The following ANO6 variants were observed in gnomAD, a reference collection of about 807,000 sequenced individuals.
ANO6 encodes the protein anoctamin-6.
A neutral mutation model predicts 117.5 loss-of-function variants in ANO6; 106 were observed. The observed-to-expected ratio is 0.90, with a 90% confidence interval of 0.77 to 1.06. ANO6 has a LOEUF of 1.06. Ranked by LOEUF, ANO6 falls within the 50% of genes least tolerant of loss-of-function variation. The probability of loss-of-function intolerance (pLI) is 0.00; values close to 1 mark genes in which losing one functional copy is unlikely to be tolerated. For synonymous variants in ANO6, 367 were observed against 385.1 expected (o/e 0.95, Z 0.55); for missense variants, 955 against 1,121.1 (o/e 0.85, Z 2.12).
Position 45,388,270 on chromosome 12 carries a change from A to G in ANO6, c.1275A>G (p.Arg425=). Residue 425 remains arginine, a synonymous_variant, in exon 11 of 20, where the codon CGA becomes CGG. Transcript: ENST00000320560. ...AAGCCCGACCAGAATACGAAGCACGATGTACTCACGTAGTGATAAATGAGA... is the reference window on the plus strand; with the variant it reads ...AAGCCCGACCAGAATACGAAGCACGGTGTACTCACGTAGTGATAAATGAGA... ...EEQARPEYEA[R]CTHVVINEIT... is the part of the protein sequence containing the mutation. The G allele has an allele frequency of 6.2e-7, 1 of 1,614,120 alleles. No homozygotes were observed. The highest frequency in any genetic ancestry group is 1.3e-5 in the African/African-American group (1 of 75,052).
intron 8 of ANO6, among the ~76,000 whole-genome samples, chr12:45,365,287 GCA>G (rs1214025701): frequency 6.6e-6 from 1 of 151,818 alleles, no homozygotes; most frequent in Admixed American, 6.6e-5. Context: ...TTGGCCATGT[GCA>G]CTGTCCTACA....
At chr12:45,315,826 C>T (rs1430593956) in intron 2 of ANO6, among the ~76,000 whole-genome samples, 2 of 152,032 alleles carry the variant, frequency 1.3e-5, no homozygotes, top group African/African-American at 4.8e-5. Context: ...CTTTGACACC[C>T]TGTTGATAAC....
chr12:45,353,004 A>G (rs1404541590), intron 7 of ANO6, among the ~76,000 whole-genome samples: 4 of 152,182 alleles, frequency 2.6e-5, no homozygotes, highest in African/African-American at 9.7e-5. Context: ...TGTATTTGCT[A>G]TAACTAAGTA....
At chr12:45,302,193 T>C (rs1939516780) in intron 2 of ANO6, 100 bp downstream of exon 2, 2 of 1,025,500 alleles carry the variant, frequency 2.0e-6, no homozygotes, top group East Asian at 4.9e-5. Context: ...CTTCAATGGC[T>C]GTAGATCCTA....
intron 3 of ANO6, among the ~76,000 whole-genome samples, chr12:45,336,306 A>G: frequency 6.6e-6 from 1 of 152,052 alleles, no homozygotes; most frequent in East Asian, 1.9e-4. Flanking sequence ...GCCTAATAAG[A>G]TAGTATTATA....
At chr12:45,409,307 C>A (rs371068984) in intron 15 of ANO6, 50 bp from the exon 16 acceptor site, 2 of 1,607,578 alleles carry the variant, frequency 1.2e-6, no homozygotes, top group African/African-American at 2.7e-5. Flanking sequence ...ATTTTTATGA[C>A]CTTGGCCTGA....
intron 12 of ANO6, among the ~76,000 whole-genome samples, 188 bp downstream of exon 12, chr12:45,390,686 C>T (rs1045708871): frequency 6.6e-6 from 1 of 152,146 alleles, no homozygotes; most frequent in Non-Finnish European, 1.5e-5. Flanking sequence ...TCCCAAGGTT[C>T]GAGATACCTT....
intron 12 of ANO6, among the ~76,000 whole-genome samples, chr12:45,395,484 C>G (rs1384751606): frequency 1.3e-5 from 2 of 152,112 alleles, no homozygotes; most frequent in Non-Finnish European, 2.9e-5. Context: ...CTCCCTAACT[C>G]ATTTTATGAG....
At chr12:45,275,173 C>A (rs74439481) in intron 1 of ANO6, among the ~76,000 whole-genome samples, 2 of 151,904 alleles carry the variant, frequency 1.3e-5, no homozygotes, top group Non-Finnish European at 2.9e-5. Flanking sequence ...GATCCGTCTC[C>A]ATCTCTTACC....
intron 9 of ANO6, among the ~76,000 whole-genome samples, chr12:45,368,737 C>T (rs1941747427): frequency 6.6e-6 from 1 of 152,178 alleles, no homozygotes; most frequent in African/African-American, 2.4e-5. Context: ...GTTTAGGAAT[C>T]ATTAGTATCC....
chr12:45,320,610 A>T (rs1330382887), intron 2 of ANO6, among the ~76,000 whole-genome samples: 1 of 152,116 alleles, frequency 6.6e-6, no homozygotes, highest in Non-Finnish European at 1.5e-5. Context: ...TTTGGGGTGG[A>T]GAGTTCTGTA....
At chr12:45,280,264 C>G (rs1193976903) in intron 1 of ANO6, among the ~76,000 whole-genome samples, 4 of 152,092 alleles carry the variant, frequency 2.6e-5, no homozygotes, top group Admixed American at 2.0e-4. Context: ...GATGGAAAGA[C>G]AAAGTGGACA....
chr12:45,269,518 A>T (rs1938325591), intron 1 of ANO6, among the ~76,000 whole-genome samples: 1 of 152,206 alleles, frequency 6.6e-6, no homozygotes, highest in Non-Finnish European at 1.5e-5. Flanking sequence ...ATTTAGCAAC[A>T]GATTTAAAAG....
At chr12:45,351,632 AGAG>A (rs1177072069) in intron 7 of ANO6, among the ~76,000 whole-genome samples, 1 of 152,142 alleles carries the variant, frequency 6.6e-6, no homozygotes, top group African/African-American at 2.4e-5. Flanking sequence ...CGGATAGTGA[AGAG>A]GAGCCAGTGC....
chr12:45,402,164 G>C, intron 13 of ANO6, 144 bp downstream of exon 13: 1 of 688,154 alleles, frequency 1.5e-6, no homozygotes, highest in Non-Finnish European at 2.4e-6. Flanking sequence ...TCTCTAGCAT[G>C]TATGGAAATA....
At chr12:45,321,341 G>T (rs1592962422) in intron 2 of ANO6, among the ~76,000 whole-genome samples, 1 of 152,172 alleles carries the variant, frequency 6.6e-6, no homozygotes, top group Middle Eastern at 3.4e-3. Context: ...TACTTGCCTT[G>T]CGTTTTGAAA....
intron 3 of ANO6, among the ~76,000 whole-genome samples, chr12:45,332,421 A>G (rs1412987398): frequency 4.6e-5 from 7 of 152,034 alleles, no homozygotes; most frequent in African/African-American, 9.7e-5. Context: ...AAATCAAGCG[A>G]TAAAACCTTT....
intron 1 of ANO6, among the ~76,000 whole-genome samples, chr12:45,282,402 T>C (rs1300306765): frequency 6.6e-6 from 1 of 152,038 alleles, no homozygotes; most frequent in Non-Finnish European, 1.5e-5. Context: ...CAAGGCGCAG[T>C]CAAGGAGGAG....
chr12:45,348,748 A>G, intron 6 of ANO6, 117 bp downstream of exon 6: 1 of 792,858 alleles, frequency 1.3e-6, no homozygotes, highest in Non-Finnish European at 2.2e-6. Flanking sequence ...AAGGGAACAT[A>G]CTGCAAGATT....
Sources: allele counts gnomAD v4.1 joint callset (sites outside exome capture counted in the v4.1 genomes callset), GRCh38; gene constraint gnomAD v4.1.1; transcripts MANE v1.5; gene names NCBI Gene and HGNC (gene_info 2026-07-23, HGNC 2026-07-21).